Variants in SLC22A24 observed in about 807,000 individuals in gnomAD.
The protein encoded by SLC22A24 is solute carrier family 22 member 24, also known as steroid transmembrane transporter SLC22A24.
Under a neutral mutation model 49.8 loss-of-function variants are expected in SLC22A24, and 53 were observed. That is an observed-to-expected ratio of 1.06 (90% CI 0.85 to 1.34). SLC22A24 has a LOEUF of 1.34. Ranked by LOEUF, SLC22A24 falls within the 40% of genes most tolerant of loss-of-function variation. The probability of loss-of-function intolerance (pLI) is 0.00; values close to 1 mark genes in which losing one functional copy is unlikely to be tolerated. For synonymous variants in SLC22A24, 302 were observed against 256.4 expected (o/e 1.18, Z -1.70); for missense variants, 786 against 675.9 (o/e 1.16, Z -1.81).
intron 2 of SLC22A24, among the ~76,000 whole-genome samples, chr11:63,119,965 G>T (rs1182270975): frequency 6.6e-6 from 1 of 151,902 alleles, no homozygotes; most frequent in African/African-American, 2.4e-5. Flanking sequence ...TTTTGATGGG[G>T]TTGTTTGTTT....
intron 4 of SLC22A24, among the ~76,000 whole-genome samples, chr11:63,115,291 G>A (rs1401162927): frequency 1.3e-5 from 2 of 152,138 alleles, no homozygotes; most frequent in African/African-American, 2.4e-5. Flanking sequence ...CTCCCCCCAT[G>A]AGGCTACTGC....
chr11:63,119,465 G>A, intron 2 of SLC22A24, 130 bp from the exon 3 acceptor site: 1 of 870,608 alleles, frequency 1.1e-6, no homozygotes, highest in Non-Finnish European at 1.7e-6. Flanking sequence ...GACACCGGGT[G>A]GCATAATTAT....
chr11:63,113,219 T>TATATATATACATATATATATACAC (rs1565332385), intron 4 of SLC22A24, among the ~76,000 whole-genome samples: 12 of 5,170 alleles, frequency 2.3e-3, no homozygotes, highest in African/African-American at 2.9e-3. Context: ...TATACACATA[T>TATATATATACATATATATATACAC]ATATATATAC....
intron 1 of SLC22A24, among the ~76,000 whole-genome samples, chr11:63,142,757 C>G (rs898028140): frequency 1.3e-5 from 2 of 152,052 alleles, no homozygotes; most frequent in Non-Finnish European, 2.9e-5. Context: ...TGACTCAGCA[C>G]AAGAAGGCAG....
intron 1 of SLC22A24, among the ~76,000 whole-genome samples, chr11:63,139,952 T>A (rs2087402921): frequency 2.0e-5 from 3 of 152,180 alleles, no homozygotes; most frequent in Non-Finnish European, 4.4e-5. Context: ...AAAAGAGCTC[T>A]GATTAATTAG....
intron 4 of SLC22A24, among the ~76,000 whole-genome samples, chr11:63,106,938 A>G (rs557182297): frequency 1.3e-5 from 2 of 152,010 alleles, no homozygotes; most frequent in Non-Finnish European, 1.5e-5. Flanking sequence ...GTTTAATTAG[A>G]TCCCGTCTGT....
chr11:63,104,534 A>G (rs1213507709), intron 4 of SLC22A24, among the ~76,000 whole-genome samples: 1 of 152,152 alleles, frequency 6.6e-6, no homozygotes, highest in Admixed American at 6.6e-5. Flanking sequence ...CCATTTTCAC[A>G]CTGCTGATAA....
At chr11:63,143,232 C>G (rs1480385143) in intron 1 of SLC22A24, 146 bp downstream of exon 1, 2 of 548,372 alleles carry the variant, frequency 3.6e-6, no homozygotes, top group Middle Eastern at 3.6e-4. Context: ...AATAGATAAT[C>G]AGGTGCTGCC....
chr11:63,081,259 G>T, intron 8 of SLC22A24, 136 bp from the exon 9 acceptor site: 1 of 745,556 alleles, frequency 1.3e-6, no homozygotes, highest in Non-Finnish European at 2.2e-6. Context: ...GCCCTTAATT[G>T]TGACATTTAC....
intron 1 of SLC22A24, among the ~76,000 whole-genome samples, chr11:63,141,673 G>T (rs926273972): frequency 2.0e-5 from 3 of 152,144 alleles, no homozygotes; most frequent in African/African-American, 7.2e-5. Flanking sequence ...GGTATCTGAG[G>T]GTTCAAACCC....
chr11:63,117,882 G>A (rs995851050), intron 4 of SLC22A24, among the ~76,000 whole-genome samples: 4 of 152,128 alleles, frequency 2.6e-5, no homozygotes, highest in African/African-American at 9.7e-5. Flanking sequence ...GGGTGTTGGC[G>A]CCCCCAACAC....
At chr11:63,090,429 G>A (rs2087013101) in intron 6 of SLC22A24, among the ~76,000 whole-genome samples, 1 of 151,936 alleles carries the variant, frequency 6.6e-6, no homozygotes, top group African/African-American at 2.4e-5. Context: ...CACACAGCAT[G>A]TATTCTAAAA....
chr11:63,133,487 T>A (rs1250942309), intron 2 of SLC22A24, among the ~76,000 whole-genome samples: 4 of 152,184 alleles, frequency 2.6e-5, no homozygotes, highest in African/African-American at 9.7e-5. Context: ...GACTGTCAGA[T>A]GACATTGAGC....
At chr11:63,128,490 G>C (rs1461792531) in intron 2 of SLC22A24, among the ~76,000 whole-genome samples, 1 of 152,120 alleles carries the variant, frequency 6.6e-6, no homozygotes, top group Non-Finnish European at 1.5e-5. Context: ...AGGCCCACCT[G>C]CAGTTATCCG....
chr11:63,108,080 T>C (rs959696752), intron 4 of SLC22A24, among the ~76,000 whole-genome samples: 7 of 152,202 alleles, frequency 4.6e-5, no homozygotes, highest in Non-Finnish European at 1.0e-4. Context: ...TTGTTATAAA[T>C]AACTCTTATT....
chr11:63,092,975 A>G (rs1012387078), intron 6 of SLC22A24, among the ~76,000 whole-genome samples: 4 of 152,196 alleles, frequency 2.6e-5, no homozygotes, highest in Non-Finnish European at 5.9e-5. Flanking sequence ...AGAATCTACA[A>G]GAACCTTAAA....
At chr11:63,106,389 A>T (rs952660309) in intron 4 of SLC22A24, among the ~76,000 whole-genome samples, 1 of 152,112 alleles carries the variant, frequency 6.6e-6, no homozygotes, top group Non-Finnish European at 1.5e-5. Context: ...GCTGCAATAA[A>T]CATATGTGTG....
At chr11:63,140,579 C>G (rs2087408765) in intron 1 of SLC22A24, among the ~76,000 whole-genome samples, 1 of 152,104 alleles carries the variant, frequency 6.6e-6, no homozygotes, top group South Asian at 2.1e-4. Context: ...GAGCCTCGCC[C>G]TTAGCTATGC....
At chr11:63,106,345 A>G (rs1008292561) in intron 4 of SLC22A24, among the ~76,000 whole-genome samples, 4 of 152,060 alleles carry the variant, frequency 2.6e-5, no homozygotes, top group African/African-American at 7.2e-5. Flanking sequence ...TTGGACATTT[A>G]GGTTGGCTCC....
Sources: allele counts gnomAD v4.1 joint callset (sites outside exome capture counted in the v4.1 genomes callset), GRCh38; gene constraint gnomAD v4.1.1; transcripts MANE v1.5; gene names NCBI Gene and HGNC (gene_info 2026-07-23, HGNC 2026-07-21).